FAM110B: variants seen among roughly 807,000 people sequenced by gnomAD.
The protein encoded by FAM110B is family with sequence similarity 110 member B.
FAM110B carries 6 observed loss-of-function variants against 20.4 expected under a neutral mutation model. That is an observed-to-expected ratio of 0.29 (90% CI 0.16 to 0.58). FAM110B has a LOEUF of 0.58. Among genes scored for constraint, FAM110B ranks in the 20% least tolerant of loss-of-function variants. The pLI is 0.90. For synonymous variants in FAM110B, 226 were observed against 214.1 expected (o/e 1.06, Z -0.49); for missense variants, 434 against 498.2 (o/e 0.87, Z 1.23).
At position 58,147,372 on chromosome 8, in the gene FAM110B, G is replaced by T. The variant is rs1803894307; in HGVS notation, c.*29G>T. On this transcript the variant is annotated 3_prime_UTR_variant, in exon 4 of 4. Coordinates refer to ENST00000519262, the MANE Select transcript of FAM110B (RefSeq NM_001377989.1). ...AGTGCGTGGAAAGGAGGGAGCGTGGGTCTCTGTGCTTACGCAGTTGTGAAG... is the reference window on the plus strand; with the variant it reads ...AGTGCGTGGAAAGGAGGGAGCGTGGTTCTCTGTGCTTACGCAGTTGTGAAG... The T allele has an allele frequency of 1.9e-6, 3 of 1,594,438 alleles. No homozygotes were observed. Among genetic ancestry groups the T allele is most frequent in the African/African-American group, 2.7e-5 (2 of 74,632 alleles).
At chr8:58,101,881 G>A (rs192907936) in intron 3 of FAM110B, among the ~76,000 whole-genome samples, 2 of 152,214 alleles carry the variant, frequency 1.3e-5, no homozygotes, top group East Asian at 3.9e-4. Flanking sequence ...GTCTTAGTTG[G>A]AGTCTCAGAG....
At chr8:58,062,393 G>A (rs1805675097) in intron 2 of FAM110B, among the ~76,000 whole-genome samples, 1 of 152,128 alleles carries the variant, frequency 6.6e-6, no homozygotes, top group Non-Finnish European at 1.5e-5. Flanking sequence ...AGCTCAGTTT[G>A]CTTCAAGGCA....
chr8:58,058,506 T>C (rs1445247284), intron 2 of FAM110B, among the ~76,000 whole-genome samples: 1 of 152,160 alleles, frequency 6.6e-6, no homozygotes, highest in African/African-American at 2.4e-5. Flanking sequence ...TTTAAGTCAA[T>C]GTTAACAGTG....
At chr8:58,047,071 G>T (rs1031166790) in intron 2 of FAM110B, among the ~76,000 whole-genome samples, 9 of 152,150 alleles carry the variant, frequency 5.9e-5, no homozygotes, top group African/African-American at 1.9e-4. Flanking sequence ...GAAAATATTG[G>T]TGATGATAGG....
rs181642474 is a variant in FAM110B, at chr8:58,063,214, C to G, written c.-413-12321C>G. Reference sequence around the variant, plus strand: ...GGGGCCGCTCATGAAACATTTACCCCCTCCAGTTTTTACCTTTTCCTTGGG... The same window carrying G: ...GGGGCCGCTCATGAAACATTTACCCGCTCCAGTTTTTACCTTTTCCTTGGG... On this transcript the variant is annotated intron_variant, in intron 2 of 3. Transcript: ENST00000519262. 5.8e-3 allele frequency among the ~76,000 whole-genome samples: 888 copies of G among 152,218 alleles called. 10 individuals carry two copies. Among genetic ancestry groups the G allele is most frequent in the African/African-American group, 0.02 (810 of 41,524 alleles).
At chr8:58,104,541 G>A (rs1049461311) in intron 3 of FAM110B, among the ~76,000 whole-genome samples, 1 of 152,122 alleles carries the variant, frequency 6.6e-6, no homozygotes, top group Non-Finnish European at 1.5e-5. Flanking sequence ...AAGTTGACCT[G>A]TAGTAACATG....
Position 58,147,092 on chromosome 8 carries a change from C to T in FAM110B, c.862C>T (p.Leu288=). The T allele has an allele frequency of 6.2e-7, 1 of 1,614,176 alleles. No homozygotes were observed. The highest frequency in any genetic ancestry group is 8.5e-7 in the Non-Finnish European group (1 of 1,180,032). ...CTACTGTGGACTGGACCCGGAAGAG[C>T]TGGAAAACCTGGGAATGGAAAACTT... is the stretch of plus-strand genomic sequence containing the variant. The part of the protein sequence containing the change: ...FNYCGLDPEE[L]ENLGMENFAR... The change falls in exon 4 of 4, where the codon CTG becomes TTG. Residue 288 remains leucine, a synonymous_variant. Transcript: ENST00000519262.
chr8:58,120,351 G>T (rs1807328195), intron 3 of FAM110B, among the ~76,000 whole-genome samples: 1 of 152,004 alleles, frequency 6.6e-6, no homozygotes. Flanking sequence ...CCTCTCGTCT[G>T]AATTATCCAC....
intron 2 of FAM110B, among the ~76,000 whole-genome samples, chr8:58,057,607 A>G (rs894361223): frequency 3.9e-5 from 6 of 152,118 alleles, no homozygotes; most frequent in Non-Finnish European, 8.8e-5. Context: ...TTAAGCCCCT[A>G]GGAAAGCCAT....
intron 2 of FAM110B, among the ~76,000 whole-genome samples, chr8:58,072,830 C>T (rs1805936612): frequency 6.6e-6 from 1 of 152,124 alleles, no homozygotes; most frequent in Middle Eastern, 3.2e-3. Context: ...GAAGTCATTC[C>T]ATGAAAAATA....
At chr8:58,076,994 G>A (rs954805208) in intron 3 of FAM110B, 1 of 152,216 alleles carries the variant, frequency 6.6e-6, no homozygotes, top group Non-Finnish European at 1.5e-5. Flanking sequence ...TGACAAATAA[G>A]AATCAACCTG....
At chr8:58,067,323 G>A (rs1805792447) in intron 2 of FAM110B, among the ~76,000 whole-genome samples, 1 of 152,206 alleles carries the variant, frequency 6.6e-6, no homozygotes, top group African/African-American at 2.4e-5. Context: ...TGTGAGCCAG[G>A]AAGAGTAGAT....
chr8:58,094,387 G>C (rs1333104416), intron 3 of FAM110B, among the ~76,000 whole-genome samples: 1 of 152,146 alleles, frequency 6.6e-6, no homozygotes, highest in East Asian at 1.9e-4. Flanking sequence ...TTGTGGGTTT[G>C]TCATAAATAG....
intron 2 of FAM110B, among the ~76,000 whole-genome samples, chr8:58,064,641 T>C (rs1805726177): frequency 6.6e-6 from 1 of 152,184 alleles, no homozygotes; most frequent in Admixed American, 6.5e-5. Flanking sequence ...AATTTTGCCA[T>C]CATCCAAGTG....
chr8:58,053,499 AT>A (rs1805494225), intron 2 of FAM110B, among the ~76,000 whole-genome samples: 1 of 152,210 alleles, frequency 6.6e-6, no homozygotes, highest in South Asian at 2.1e-4. Flanking sequence ...TGAGATGCTA[AT>A]GACATGCAAT....
chr8:58,058,316 C>T (rs536005968), intron 2 of FAM110B, among the ~76,000 whole-genome samples: 8 of 139,456 alleles, frequency 5.7e-5, no homozygotes, highest in East Asian at 2.0e-4. Context: ...AGTTTAAGAA[C>T]GATATCAGAG....
Position 58,147,036 on chromosome 8 carries a change from G to A in FAM110B, c.806G>A (p.Arg269Gln). 1 of 1,614,206 alleles carries A rather than the reference G, an allele frequency of 6.2e-7. No individual in the cohort carries two copies. Among genetic ancestry groups the A allele is most frequent in the Non-Finnish European group, 8.5e-7 (1 of 1,180,036 alleles). The change falls in exon 4 of 4, where the codon CGA (arginine) becomes CAA (glutamine). Residue 269 changes from arginine (R) to glutamine (Q), a missense_variant. Physicochemically the swap from Arg to Gln is conservative, Grantham distance 43. Coordinates refer to ENST00000519262, the MANE Select transcript of FAM110B (RefSeq NM_001377989.1). The stretch of plus-strand genomic sequence containing the variant: ...TCAGACTTGAGTGACAGATATTTCC[G>A]AGTGGACGCGGACGTGGAGAGGTTC... Reference protein sequence around the residue: ...SKSDLSDRYFRVDADVERFFN... With the variant: ...SKSDLSDRYFQVDADVERFFN...
chr8:58,129,632 C>T (rs144735625), intron 3 of FAM110B, among the ~76,000 whole-genome samples: 6 of 152,168 alleles, frequency 3.9e-5, no homozygotes, highest in African/African-American at 9.6e-5. Context: ...ATGTGAGGCT[C>T]GAGGCTCAGG....
At chr8:58,040,389 G>A (rs1786321831) in intron 2 of FAM110B, among the ~76,000 whole-genome samples, 1 of 152,176 alleles carries the variant, frequency 6.6e-6, no homozygotes, top group African/African-American at 2.4e-5. Context: ...GTGAGCATGT[G>A]CCATATGCGC....
Sources: allele counts gnomAD v4.1 joint callset (sites outside exome capture counted in the v4.1 genomes callset), GRCh38; gene constraint gnomAD v4.1.1; transcripts MANE v1.5; gene names NCBI Gene and HGNC (gene_info 2026-07-23, HGNC 2026-07-21).